Variants in STEAP2 observed in about 807,000 individuals in gnomAD.
STEAP2 encodes the protein metalloreductase STEAP2.
Under a neutral mutation model 46.4 loss-of-function variants are expected in STEAP2, and 30 were observed. The observed-to-expected ratio is 0.65, with a 90% CI of 0.48 to 0.88. The LOEUF (loss-of-function observed/expected upper bound fraction) is 0.88. Ranked by LOEUF, STEAP2 falls within the 40% of genes least tolerant of loss-of-function variation. The pLI is 0.00. For synonymous variants in STEAP2, 180 were observed against 200.5 expected, an observed-to-expected ratio of 0.90 and a Z score of 0.86; for missense variants, 513 against 579.3, an observed-to-expected ratio of 0.89 and a Z score of 1.18.
Position 90,225,446 on chromosome 7 carries a change from A to G in STEAP2, c.364A>G (p.Ile122Val), listed in dbSNP as rs1014750760. 1.2e-6 allele frequency: 2 copies of G among 1,613,874 alleles called. No homozygotes were observed. The highest frequency in any genetic ancestry group is 2.2e-5 in the South Asian group (2 of 91,068). The change falls in exon 3 of 6, where the codon ATA becomes GTA. Residue 122 changes from isoleucine to valine, a missense_variant. Coordinates refer to ENST00000394621, the MANE Select transcript of STEAP2 (RefSeq NM_001244944.2). Reference protein sequence around the residue: ...ILIDVSNNMRINQYPESNAEY... With the variant: ...ILIDVSNNMRVNQYPESNAEY... ...GATTGATGTGAGCAATAACATGAGG[A>G]TAAACCAGTACCCAGAATCCAATGC...
At chr7:90,215,729 C>T (rs1309438130) in intron 1 of STEAP2, 2 of 152,160 alleles carry the variant, frequency 1.3e-5, no homozygotes, top group East Asian at 3.9e-4. Context: ...CCTGCTCTTT[C>T]ACCCCTACAC....
chr7:90,235,876 T>C lies in STEAP2; in HGVS notation c.*3252T>C. The C allele has an allele frequency of 1.3e-6, 1 of 786,174 alleles. No individual in the cohort carries two copies. Among genetic ancestry groups the C allele is most frequent in the Non-Finnish European group, 1.5e-6 (1 of 648,240 alleles). The allele number at this position is 786,174 out of a possible 1,614,324, so 48.7% of individuals were successfully genotyped here. Reference sequence around the variant, plus strand: ...AATAAAATATATTTATAGGTATTTATCAGAGATGATTATTTTGTGCTACAT... The same window carrying C: ...AATAAAATATATTTATAGGTATTTACCAGAGATGATTATTTTGTGCTACAT... On this transcript the variant is annotated 3_prime_UTR_variant, in exon 6 of 6. Coordinates refer to ENST00000394621, the MANE Select transcript of STEAP2 (RefSeq NM_001244944.2).
chr7:90,227,679 T>C (rs1470440484), intron 4 of STEAP2, among the ~76,000 whole-genome samples, 181 bp downstream of exon 4: 1 of 152,204 alleles, frequency 6.6e-6, no homozygotes, highest in African/African-American at 2.4e-5. Context: ...AATTCAAAAT[T>C]ATTTAAGTAA....
chr7:90,212,705 G>A (rs574479932), intron 1 of STEAP2, among the ~76,000 whole-genome samples: 2 of 152,246 alleles, frequency 1.3e-5, no homozygotes, highest in Non-Finnish European at 2.9e-5. Flanking sequence ...CCGTGGAGAA[G>A]GATTGGTGTC....
At position 90,227,487 on chromosome 7, in the gene STEAP2, G is replaced by A. The variant is rs766311883; in HGVS notation, c.1009G>A (p.Ala337Thr). 16 of 1,579,708 alleles carry A rather than the reference G, an allele frequency of 1.0e-5. No individual in the cohort carries two copies. The highest frequency in any genetic ancestry group is 1.4e-5 in the Non-Finnish European group (16 of 1,157,482). The part of the protein sequence containing the change: ...RSERYLFLNM[A>T]YQQVHANIEN... ...AGAGAGATATTTGTTTCTCAACATG[G>A]CTTATCAGCAGGTACTGAATGTGCT... The change falls in exon 4 of 6, where the codon GCT (alanine) becomes ACT (threonine). Residue 337 changes from alanine (A) to threonine (T), a missense_variant. Coordinates refer to ENST00000394621, the MANE Select transcript of STEAP2 (RefSeq NM_001244944.2).
At position 90,237,097 on chromosome 7, in the gene STEAP2, T is replaced by C. The variant is rs1795987959; in HGVS notation, c.*4473T>C. 7.3e-6 allele frequency: 6 copies of C among 826,138 alleles called. No homozygotes were observed. The South Asian group carries it at 1.1e-4, about 15-fold the overall frequency. The allele number at this position is 826,138 out of a possible 1,614,324, so 51.2% of individuals were successfully genotyped here. On this transcript the variant is annotated 3_prime_UTR_variant, in exon 6 of 6. Coordinates refer to ENST00000394621, the MANE Select transcript of STEAP2 (RefSeq NM_001244944.2). ...CTTTTTCATCCCTTCATCTTGCTGC[T>C]GGGATTGTGGATATAACAGGAGCCC...
In STEAP2 at chr7:90,235,420, T is replaced by G; in HGVS notation, c.*2796T>G. The G allele has an allele frequency of 5.1e-6, 5 of 980,968 alleles. No homozygotes were observed. The highest frequency in any genetic ancestry group is 6.1e-6 in the Non-Finnish European group (5 of 825,816). The allele number at this position is 980,968 out of a possible 1,614,324, so 60.8% of individuals were successfully genotyped here. A position where few individuals can be genotyped will look rare whatever the true frequency, so the allele number is the denominator to read the frequency against. ...CTATGTGATTATTTTTCTTAATTGT[T>G]ATTTTTTATAATCATTATTTTTCTG... is the stretch of plus-strand genomic sequence containing the variant. On this transcript the variant is annotated 3_prime_UTR_variant, in exon 6 of 6. Transcript: ENST00000394621.
In STEAP2 at chr7:90,227,063, A is replaced by T. The variant is rs1440990183; in HGVS notation, c.585A>T (p.Leu195Phe). ...TCATTCCCATTGACTTGGGATCCTT[A>T]TCATCAGCCAGAGAGATTGAAAATT... The part of the protein sequence containing the change: ...LNFIPIDLGS[L>F]SSAREIENLP... The change falls in exon 4 of 6, where the codon TTA (leucine) becomes TTT (phenylalanine). Residue 195 changes from leucine (L) to phenylalanine (F), a missense_variant. Transcript: ENST00000394621. The T allele has an allele frequency of 1.2e-6, 2 of 1,613,684 alleles. No homozygotes were observed. The highest frequency in any genetic ancestry group is 1.7e-6 in the Non-Finnish European group (2 of 1,179,790).
Position 90,213,777 on chromosome 7 carries a change from A to G in STEAP2, c.-147+1732A>G, listed in dbSNP as rs566333177. The G allele has an allele frequency of 1.7e-4, 26 of 152,354 alleles. No individual in the cohort carries two copies. In the South Asian group the frequency reaches 5.4e-3, roughly 32 times the overall value. The allele number at this position is 152,354 out of a possible 1,614,324, so 9.4% of individuals were successfully genotyped here. A position where few individuals can be genotyped will look rare whatever the true frequency, so the allele number is the denominator to read the frequency against. ...TAGTAAACAGTAAAGAAACAATTAT[A>G]TAAAATATTACAAAATAAATTTAAC... On this transcript the variant is annotated intron_variant, in intron 1 of 5. Coordinates refer to ENST00000394621, the MANE Select transcript of STEAP2 (RefSeq NM_001244944.2).
At chr7:90,242,534 T>G (rs894846975), downstream of STEAP2, among the ~76,000 whole-genome samples, 1 of 152,212 alleles carries the variant, frequency 6.6e-6, no homozygotes, top group African/African-American at 2.4e-5. Flanking sequence ...ACAAAGGATA[T>G]GCAAATAATC....
At position 90,230,039 on chromosome 7, in the gene STEAP2, A is replaced by G. The variant is rs761825819; in HGVS notation, c.1185+3A>G. On this transcript the variant is annotated splice_donor_region_variant and intron_variant, in intron 5 of 5. Coordinates refer to ENST00000394621, the MANE Select transcript of STEAP2 (RefSeq NM_001244944.2). The stretch of plus-strand genomic sequence containing the variant: ...GGAGAGAATTCAGTTTTATTCAGGT[A>G]TGTGGGGTTTTGTTTGGTGAAGGAT... The G allele has an allele frequency of 6.2e-7, 1 of 1,611,090 alleles. No individual in the cohort carries two copies. Among genetic ancestry groups the G allele is most frequent in the Non-Finnish European group, 8.5e-7 (1 of 1,178,708 alleles).
chr7:90,229,582 T>G (rs1342782422), intron 4 of STEAP2, among the ~76,000 whole-genome samples: 1 of 152,136 alleles, frequency 6.6e-6, no homozygotes, highest in Non-Finnish European at 1.5e-5. Context: ...TTTTATGGTG[T>G]TGGATTCCAG....
At chr7:90,213,485 GGACATTGAGGTAACTGA>G (rs1286650047) in intron 1 of STEAP2, among the ~76,000 whole-genome samples, 3 of 152,174 alleles carry the variant, frequency 2.0e-5, no homozygotes, top group African/African-American at 7.2e-5. Context: ...CCAGAAACCA[GGACATTGAGGTAACTGA>G]GACATTAACA....
At chr7:90,243,053 T>C (rs906530805), downstream of STEAP2, among the ~76,000 whole-genome samples, 1 of 152,212 alleles carries the variant, frequency 6.6e-6, no homozygotes, top group Non-Finnish European at 1.5e-5. Flanking sequence ...GAAGAATGAC[T>C]AGAAGTGTGG....
rs902292884 is a variant in STEAP2 at position 90,232,355 on chromosome 7, G to A, written c.1204G>A (p.Ala402Thr). 20 of 1,606,188 alleles carry A rather than the reference G, an allele frequency of 1.2e-5. No homozygotes were observed. The highest frequency in any genetic ancestry group is 1.1e-4 in the East Asian group (5 of 44,792). Residue 402 changes from alanine (A) to threonine (T), a missense_variant, in exon 6 of 6, where the codon GCT becomes ACT. Ala to Thr is a moderately conservative substitution (Grantham distance 58, BLOSUM62 0). Transcript: ENST00000394621. ...SFIQSTLGYV[A>T]LLISTFHVLI... ...GCCCAAGTCTACACTTGGATATGTC[G>A]CTCTGCTCATAAGTACTTTCCATGT...
At chr7:90,218,975 C>T (rs1795140118) in intron 2 of STEAP2, among the ~76,000 whole-genome samples, 1 of 151,804 alleles carries the variant, frequency 6.6e-6, no homozygotes, top group Non-Finnish European at 1.5e-5. Flanking sequence ...TTCCTTGTAG[C>T]AAACTTTCAC....
At chr7:90,223,424 G>A (rs1795343322) in intron 2 of STEAP2, among the ~76,000 whole-genome samples, 1 of 152,182 alleles carries the variant, frequency 6.6e-6, no homozygotes, top group Non-Finnish European at 1.5e-5. Flanking sequence ...CTGTCTCTGA[G>A]CACAAGAGTG....
chr7:90,211,749 T>A lies in STEAP2; in HGVS notation c.-443T>A, dbSNP rs985078525. 1 of 152,550 alleles carries A rather than the reference T, an allele frequency of 6.6e-6. No homozygotes were observed. The highest frequency in any genetic ancestry group is 2.4e-5 in the African/African-American group (1 of 41,452). The allele number at this position is 152,550 out of a possible 1,614,324, so 9.4% of individuals were successfully genotyped here. ...GGCTCTTCCCGACTCCAGTCAGCGT[T>A]CCTCGGGCCCTCGGCGCCACGAGCT... is the stretch of plus-strand genomic sequence containing the variant. On this transcript the variant is annotated 5_prime_UTR_variant, in exon 1 of 6. Transcript: ENST00000394621.
chr7:90,213,861 G>T (rs1794912888), intron 1 of STEAP2: 1 of 152,202 alleles, frequency 6.6e-6, no homozygotes, highest in African/African-American at 2.4e-5. Context: ...AGCTCCCAAG[G>T]TACATAAAGT....
Sources: allele counts gnomAD v4.1 joint callset (sites outside exome capture counted in the v4.1 genomes callset), GRCh38; gene constraint gnomAD v4.1.1; transcripts MANE v1.5; gene names NCBI Gene and HGNC (gene_info 2026-07-23, HGNC 2026-07-21).